Variants in NTM observed in about 807,000 individuals in gnomAD.
The protein encoded by NTM is neurotrimin.
A neutral mutation model predicts 42.1 loss-of-function variants in NTM; 13 were observed. That is an observed-to-expected ratio of 0.31 (90% CI 0.20 to 0.49). NTM has a LOEUF of 0.49. Ranked by LOEUF, NTM falls within the 20% of genes least tolerant of loss-of-function variation. The probability of loss-of-function intolerance (pLI) is 0.99; values close to 1 mark genes in which losing one functional copy is unlikely to be tolerated. For synonymous variants in NTM, 187 were observed against 179.2 expected, an observed-to-expected ratio of 1.04 and a Z score of -0.35; for missense variants, 373 against 452.8, an observed-to-expected ratio of 0.82 and a Z score of 1.60.
intron 1 of NTM, among the ~76,000 whole-genome samples, chr11:131,446,552 T>A (rs1343343004): frequency 6.6e-6 from 1 of 152,196 alleles, no homozygotes; most frequent in Non-Finnish European, 1.5e-5. Context: ...GTTTATTCCA[T>A]CCATCCCACC....
rs73586771 is a variant in NTM at position 131,427,499 on chromosome 11, C to T, written c.82+56611C>T. On this transcript the variant is annotated intron_variant, in intron 1 of 8. Transcript: ENST00000683400. ...TCCAGAAAACCACATCAGGATTTACCTCACAGGGTGGACAAATCTGAAACA... is the reference window on the plus strand; with the variant it reads ...TCCAGAAAACCACATCAGGATTTACTTCACAGGGTGGACAAATCTGAAACA... 3.1e-3 allele frequency among the ~76,000 whole-genome samples: 470 copies of T among 152,310 alleles called. 3 individuals carry two copies. The highest frequency in any genetic ancestry group is 0.011 in the African/African-American group (455 of 41,568).
chr11:131,772,367 A>G (rs1170837881), intron 1 of NTM, among the ~76,000 whole-genome samples: 1 of 152,206 alleles, frequency 6.6e-6, no homozygotes, highest in Non-Finnish European at 1.5e-5. Flanking sequence ...CACCCCTGTG[A>G]CTAGATTCCT....
chr11:132,162,188 A>ATGTGG (rs1566340836), intron 3 of NTM, among the ~76,000 whole-genome samples: 2 of 150,136 alleles, frequency 1.3e-5, no homozygotes, highest in Admixed American at 6.6e-5. Flanking sequence ...TTTTGGGGGG[A>ATGTGG]GTGTGTATGT....
chr11:132,006,712 T>G (rs2070878834), intron 2 of NTM, among the ~76,000 whole-genome samples: 1 of 152,216 alleles, frequency 6.6e-6, no homozygotes, highest in African/African-American at 2.4e-5. Flanking sequence ...AGGAATCTCC[T>G]CCAAAGAATG....
intron 3 of NTM, among the ~76,000 whole-genome samples, chr11:132,211,114 GA>G (rs758158082): frequency 6.6e-6 from 1 of 152,030 alleles, no homozygotes. Context: ...TTTCAACAAA[GA>G]AAGTGGCATT....
At chr11:131,499,399 G>GC (rs1375568678) in intron 1 of NTM, among the ~76,000 whole-genome samples, 3 of 151,914 alleles carry the variant, frequency 2.0e-5, no homozygotes, top group South Asian at 2.1e-4. Context: ...TCACACATCC[G>GC]CCCCCCACTC....
chr11:131,372,071 G>A (rs1941286852), intron 1 of NTM, among the ~76,000 whole-genome samples: 1 of 152,198 alleles, frequency 6.6e-6, no homozygotes, highest in South Asian at 2.1e-4. Flanking sequence ...AGTCCTGCTG[G>A]CTCTTCTCCG....
At position 131,789,636 on chromosome 11, in the gene NTM, A is replaced by AGGAG. The variant is rs1555127949; in HGVS notation, c.83-121928_83-121927insGGAG. On this transcript the variant is annotated intron_variant, in intron 1 of 8. Transcript: ENST00000683400. ...AAGAAGAAGAAGAAGAAGAAGAAGA[A>AGGAG]AAGAAGAAGAAGAAGAAGAAGAAGA... is the stretch of plus-strand genomic sequence containing the variant. 1.1e-3 allele frequency among the ~76,000 whole-genome samples: 33 copies of AGGAG among 30,896 alleles called. 2 individuals carry two copies. The highest frequency in any genetic ancestry group is 1.9e-3 in the Non-Finnish European group (26 of 13,762). The allele number at this position is 30,896 out of a possible 152,430, so 20.3% of individuals were successfully genotyped here.
intron 1 of NTM, among the ~76,000 whole-genome samples, chr11:131,714,205 T>A (rs2077452582): frequency 1.3e-5 from 2 of 152,024 alleles, no homozygotes; most frequent in South Asian, 2.1e-4. Flanking sequence ...TTTATTTATT[T>A]TAAGACAGAG....
rs910396451 is a variant in NTM at position 132,002,294 on chromosome 11, T to C, written c.167+90646T>C. ...GCTTTACTGTACAAAAGCGATGAAA[T>C]TTAATAATTATTTAGTTATTTGGAA... On this transcript the variant is annotated intron_variant, in intron 2 of 8. Transcript: ENST00000683400. This position sits in a 1 kb window ranked among gnomAD's most constrained non-coding sequence, Gnocchi z 4.5. Among the ~76,000 whole-genome samples, 1 of 152,212 alleles carries C rather than the reference T, an allele frequency of 6.6e-6. No homozygotes were observed. The highest frequency in any genetic ancestry group is 2.4e-5 in the African/African-American group (1 of 41,452).
At chr11:132,194,503 C>A (rs1433759612) in intron 3 of NTM, among the ~76,000 whole-genome samples, 1 of 152,078 alleles carries the variant, frequency 6.6e-6, no homozygotes, top group African/African-American at 2.4e-5. Flanking sequence ...AACCTACAGT[C>A]AACATAATAC....
chr11:131,376,722 G>T (rs1161215603), intron 1 of NTM, among the ~76,000 whole-genome samples: 1 of 149,380 alleles, frequency 6.7e-6, no homozygotes, highest in Non-Finnish European at 1.5e-5. Flanking sequence ...GATAAGAAAA[G>T]ACTGATCAAA....
intron 2 of NTM, among the ~76,000 whole-genome samples, chr11:132,097,952 C>T (rs1365190860): frequency 6.6e-6 from 1 of 152,174 alleles, no homozygotes; most frequent in Non-Finnish European, 1.5e-5. Context: ...TGGGAATAAA[C>T]TAAAATATTC....
At chr11:131,568,782 A>G (rs1029152260) in intron 1 of NTM, among the ~76,000 whole-genome samples, 14 of 152,180 alleles carry the variant, frequency 9.2e-5, no homozygotes, top group African/African-American at 3.4e-4. Context: ...AGCCTTGCTA[A>G]TTAGAATATG....
chr11:131,598,685 TTCTTTCTTTC>T (rs2060036841), intron 1 of NTM, among the ~76,000 whole-genome samples: 1 of 23,188 alleles, frequency 4.3e-5, no homozygotes, highest in African/African-American at 1.1e-4. Flanking sequence ...CTCATTTGTT[TTCTTTCTTTC>T]TTTCTTTCTT....
rs78075946 is a variant in NTM at position 131,545,795 on chromosome 11, G to C, written c.82+174907G>C. ...ACTGAGTTGAAGGTGTCGTCAAGTA[G>C]AGGAGGGGCAGGGGCCTGGGGAGAA... On this transcript the variant is annotated intron_variant, in intron 1 of 8. Coordinates refer to ENST00000683400, the MANE Select transcript of NTM (RefSeq NM_001352005.2). 3.9e-3 allele frequency among the ~76,000 whole-genome samples: 591 copies of C among 152,322 alleles called. 1 individual carries two copies. The highest frequency in any genetic ancestry group is 0.013 in the African/African-American group (557 of 41,560).
At chr11:131,809,639 G>A (rs1047072170) in intron 1 of NTM, among the ~76,000 whole-genome samples, 8 of 152,170 alleles carry the variant, frequency 5.3e-5, no homozygotes, top group Non-Finnish European at 7.3e-5. Context: ...CAGTTTTGTT[G>A]CTGTGAAATC....
chr11:131,839,751 C>A (rs909164953), intron 1 of NTM, among the ~76,000 whole-genome samples: 5 of 152,196 alleles, frequency 3.3e-5, no homozygotes, highest in African/African-American at 1.2e-4. Context: ...TGGGTGTGAG[C>A]AAATGCAGTT....
intron 2 of NTM, among the ~76,000 whole-genome samples, chr11:132,039,614 G>A (rs2076937525): frequency 6.6e-6 from 1 of 152,074 alleles, no homozygotes. Context: ...AACCTTCGCA[G>A]AGGTGGTCAG....
Sources: allele counts gnomAD v4.1 joint callset (sites outside exome capture counted in the v4.1 genomes callset), GRCh38; gene constraint gnomAD v4.1.1; non-coding constraint Gnocchi (gnomAD v3.1); transcripts MANE v1.5; gene names NCBI Gene and HGNC (gene_info 2026-07-23, HGNC 2026-07-21).